The following PTPRN2 variants were observed in gnomAD, a reference collection of about 807,000 sequenced individuals.
The protein encoded by PTPRN2 is receptor-type tyrosine-protein phosphatase N2.
PTPRN2 carries 74 observed loss-of-function variants against 118.8 expected under a neutral mutation model. The observed-to-expected ratio is 0.62, with a 90% CI of 0.52 to 0.76. The LOEUF (loss-of-function observed/expected upper bound fraction) is 0.76, where lower values mean the gene tolerates loss of function less well. Among genes scored for constraint, PTPRN2 ranks in the 30% least tolerant of loss-of-function variants. The pLI is 0.00. For synonymous variants in PTPRN2, 641 were observed against 608.0 expected (o/e 1.05, Z -0.80); for missense variants, 1,481 against 1,394.4 (o/e 1.06, Z -0.99).
At chr7:158,164,527 AGCGCGCACGTAGGGAAG>A (rs36230758) in intron 6 of PTPRN2, among the ~76,000 whole-genome samples, 130 of 3,194 alleles carry the variant, frequency 0.041, 5 homozygotes, top group East Asian at 0.36. Context: ...TCAGAGCGGG[AGCGCGCACGTAGGGAAG>A]GCGCGCACGT....
Position 158,133,969 on chromosome 7 carries a change from C to T in PTPRN2, c.1264G>A (p.Asp422Asn), listed in dbSNP as rs749405235. 12 of 1,613,864 alleles carry T rather than the reference C, an allele frequency of 7.4e-6. No individual in the cohort carries two copies. The highest frequency in any genetic ancestry group is 2.2e-5 in the East Asian group (1 of 44,892). The stretch of plus-strand genomic sequence containing the variant: ...TGCTCGGACTTCTTCCTCTCCATGT[C>T]GAGGGGCCTTGCAAAGGGGAGGGCT... ...PGALPFARPL[D>N]MERKKSEHPE... is the part of the protein sequence containing the mutation. Residue 422 changes from aspartate (D) to asparagine (N), a missense_variant, in exon 9 of 23, where the codon GAC becomes AAC. Asp to Asn is a conservative substitution (Grantham distance 23). Transcript: ENST00000389418.
At chr7:158,447,834 C>A (rs967609552) in intron 2 of PTPRN2, among the ~76,000 whole-genome samples, 2 of 152,242 alleles carry the variant, frequency 1.3e-5, no homozygotes, top group African/African-American at 2.4e-5. Flanking sequence ...AGTGCTGAAG[C>A]CCCTGCTGCC....
rs75002659 is a variant in PTPRN2, at chr7:158,271,953, A to G, written c.277+44866T>C. ...AGGCGGACACAAACCTTCAGTCGCT[A>G]TGGCAATTGTGACTAATAAGTAATT... On this transcript the variant is annotated intron_variant, in intron 3 of 22. Transcript: ENST00000389418. Among the ~76,000 whole-genome samples the G allele has an allele frequency of 8.1e-3, 1,230 of 152,316 alleles. 16 individuals are homozygous for G. Among genetic ancestry groups the G allele is most frequent in the African/African-American group, 0.028 (1,153 of 41,578 alleles).
In PTPRN2 at chr7:157,610,181, G is replaced by A. The variant is rs1294525223; in HGVS notation, c.2345-6106C>T. 1.3e-5 allele frequency among the ~76,000 whole-genome samples: 2 copies of A among 152,156 alleles called. No individual in the cohort carries two copies. Among genetic ancestry groups the A allele is most frequent in the African/African-American group, 2.4e-5 (1 of 41,432 alleles). On this transcript the variant is annotated intron_variant, in intron 15 of 22. Coordinates refer to ENST00000389418, the MANE Select transcript of PTPRN2 (RefSeq NM_002847.5). The surrounding 1 kb of genome is among the most constrained non-coding windows in gnomAD (Gnocchi z 5.1). ...CACGGTGCTGCTGTTTGGAGGATGCGTGAGGCCATCTGTGAAGCCACTGCT... is the reference window on the plus strand; with the variant it reads ...CACGGTGCTGCTGTTTGGAGGATGCATGAGGCCATCTGTGAAGCCACTGCT...
intron 6 of PTPRN2, among the ~76,000 whole-genome samples, chr7:158,155,745 TCACCA>T (rs1821750507): frequency 4.2e-5 from 6 of 143,112 alleles, no homozygotes; most frequent in Non-Finnish European, 4.5e-5. Context: ...ATCACCATCA[TCACCA>T]TCACCATCAT....
At chr7:157,792,639 T>C (rs769713539) in intron 12 of PTPRN2, among the ~76,000 whole-genome samples, 6 of 152,162 alleles carry the variant, frequency 3.9e-5, no homozygotes, top group Non-Finnish European at 7.4e-5. Context: ...GAACACCTTG[T>C]AAGCGAATGA....
chr7:158,083,715 C>G (rs1033243649), intron 10 of PTPRN2, among the ~76,000 whole-genome samples: 8 of 152,240 alleles, frequency 5.3e-5, no homozygotes, highest in African/African-American at 1.7e-4. Flanking sequence ...GCTCCTGACA[C>G]CCTCGGGGTA....
chr7:158,337,374 C>G (rs372569201), intron 2 of PTPRN2, among the ~76,000 whole-genome samples: 2 of 88,412 alleles, frequency 2.3e-5, no homozygotes, highest in African/African-American at 3.5e-5. Flanking sequence ...CACACCCACA[C>G]TCTCACCATA....
intron 3 of PTPRN2, among the ~76,000 whole-genome samples, chr7:158,271,668 G>T (rs79171892): frequency 0.01 from 1,576 of 152,268 alleles, 26 homozygotes; most frequent in African/African-American, 0.036. Context: ...CCATAGCTTG[G>T]GTAATTGATA....
intron 1 of PTPRN2, among the ~76,000 whole-genome samples, chr7:158,558,143 C>T (rs1285718743): frequency 1.3e-5 from 2 of 152,092 alleles, no homozygotes. Context: ...AGCCACCACA[C>T]CCCACTAAAT....
chr7:158,337,272 C>T (rs1231309957), intron 2 of PTPRN2, among the ~76,000 whole-genome samples: 4 of 151,390 alleles, frequency 2.6e-5, no homozygotes, highest in Non-Finnish European at 4.4e-5. Flanking sequence ...AGACGTCACT[C>T]AAACTCACAC....
chr7:157,696,822 T>C (rs1252273256), intron 12 of PTPRN2, among the ~76,000 whole-genome samples: 1 of 121,450 alleles, frequency 8.2e-6, no homozygotes, highest in Non-Finnish European at 1.7e-5. Flanking sequence ...CATCTACACA[T>C]GCATACTGGG....
At chr7:157,738,231 G>A (rs1395605256) in intron 12 of PTPRN2, among the ~76,000 whole-genome samples, 1 of 152,212 alleles carries the variant, frequency 6.6e-6, no homozygotes, top group Non-Finnish European at 1.5e-5. Flanking sequence ...GTATCTGTGT[G>A]CTCTGGGAAG....
At chr7:157,949,125 C>A (rs909982677) in intron 11 of PTPRN2, among the ~76,000 whole-genome samples, 5 of 152,092 alleles carry the variant, frequency 3.3e-5, no homozygotes, top group African/African-American at 1.2e-4. Context: ...ATCTGAAATA[C>A]CTCTGTCCCA....
intron 1 of PTPRN2, among the ~76,000 whole-genome samples, chr7:158,538,844 A>G (rs1825802783): frequency 6.6e-6 from 1 of 152,158 alleles, no homozygotes; most frequent in Non-Finnish European, 1.5e-5. Context: ...CCCGGAGCTC[A>G]GCTTTTTATT....
chr7:158,164,922 G>C (rs1822791368), intron 6 of PTPRN2, among the ~76,000 whole-genome samples: 1 of 152,136 alleles, frequency 6.6e-6, no homozygotes, highest in South Asian at 2.1e-4. Flanking sequence ...GCCACACTGA[G>C]CTGGAGGAGA....
At position 157,780,800 on chromosome 7, in the gene PTPRN2, G is replaced by T. The variant is rs546935300; in HGVS notation, c.1789-97863C>A. ...CAAGGTGGACGAGCTCTCCAAACTC[G>T]CTTTCTCTGCCTCATCCGTGATGAG... On this transcript the variant is annotated intron_variant, in intron 12 of 22. Coordinates refer to ENST00000389418, the MANE Select transcript of PTPRN2 (RefSeq NM_002847.5). This position sits in a 1 kb window ranked among gnomAD's most constrained non-coding sequence, Gnocchi z 4.5. 3.3e-5 allele frequency among the ~76,000 whole-genome samples: 5 copies of T among 152,112 alleles called. No homozygotes were observed. Among genetic ancestry groups the T allele is most frequent in the Non-Finnish European group, 7.4e-5 (5 of 68,020 alleles).
Position 158,015,653 on chromosome 7 carries a change from T to C in PTPRN2, c.1723+65645A>G, listed in dbSNP as rs1806397948. Among the ~76,000 whole-genome samples the C allele has an allele frequency of 6.6e-6, 1 of 152,144 alleles. No individual in the cohort carries two copies. Among genetic ancestry groups the C allele is most frequent in the Non-Finnish European group, 1.5e-5 (1 of 68,020 alleles). ...TTGTTAATTTTTAACTAAAGACAAC[T>C]GATTTTTGCCAGTAGCAGAGAACGT... On this transcript the variant is annotated intron_variant, in intron 11 of 22. Coordinates refer to ENST00000389418, the MANE Select transcript of PTPRN2 (RefSeq NM_002847.5). This position sits in a 1 kb window ranked among gnomAD's most constrained non-coding sequence, Gnocchi z 4.2.
At chr7:157,719,698 C>T (rs940937748) in intron 12 of PTPRN2, among the ~76,000 whole-genome samples, 5 of 152,218 alleles carry the variant, frequency 3.3e-5, no homozygotes, top group African/African-American at 9.6e-5. Flanking sequence ...GGAGTGGGCT[C>T]GGCCCGCGGG....
Sources: allele counts gnomAD v4.1 joint callset (sites outside exome capture counted in the v4.1 genomes callset), GRCh38; gene constraint gnomAD v4.1.1; non-coding constraint Gnocchi (gnomAD v3.1); transcripts MANE v1.5; gene names NCBI Gene and HGNC (gene_info 2026-07-23, HGNC 2026-07-21).